Variants in CFAP61 observed in about 807,000 individuals in gnomAD.
CFAP61 encodes cilia and flagella associated protein 61.
In CFAP61, 107 loss-of-function variants were observed where a neutral mutation model predicts 135.6. That is an observed-to-expected ratio of 0.79 (90% CI 0.67 to 0.93). The LOEUF (loss-of-function observed/expected upper bound fraction) is 0.93. Among genes scored for constraint, CFAP61 ranks in the 40% least tolerant of loss-of-function variants. CFAP61 has a pLI of 0.00. For missense variants in CFAP61, 1,507 were observed against 1,556.2 expected, an observed-to-expected ratio of 0.97 and a Z score of 0.53; for synonymous variants, 575 against 578.5, an observed-to-expected ratio of 0.99 and a Z score of 0.09.
intron 20 of CFAP61, chr20:20,253,444 G>T: frequency 3.2e-6 from 1 of 307,958 alleles, no homozygotes; most frequent in South Asian, 2.8e-5. Flanking sequence ...TCACACATGG[G>T]TTAACCTGAC....
At chr20:20,320,980 A>G (rs2057483006) in intron 25 of CFAP61, among the ~76,000 whole-genome samples, 1 of 151,674 alleles carries the variant, frequency 6.6e-6, no homozygotes, top group Admixed American at 6.6e-5. Flanking sequence ...AGCTGCTGGA[A>G]CAGTTTGAAA....
At chr20:20,270,819 T>C (rs932929717) in intron 21 of CFAP61, among the ~76,000 whole-genome samples, 1 of 151,982 alleles carries the variant, frequency 6.6e-6, no homozygotes, top group Non-Finnish European at 1.5e-5. Flanking sequence ...ACAGGCATGA[T>C]CCACTATGCC....
At chr20:20,268,854 T>G (rs987268053) in intron 21 of CFAP61, among the ~76,000 whole-genome samples, 4 of 152,092 alleles carry the variant, frequency 2.6e-5, no homozygotes, top group African/African-American at 9.7e-5. Flanking sequence ...ATAAACTACC[T>G]TAATGGCTCA....
At chr20:20,091,120 C>A in intron 7 of CFAP61, 144 bp downstream of exon 7, 1 of 903,270 alleles carries the variant, frequency 1.1e-6, no homozygotes, top group Non-Finnish European at 1.7e-6. Flanking sequence ...CCAGGTGGTG[C>A]ACCAGGCCAG....
At chr20:20,280,122 G>A (rs1411725218) in intron 22 of CFAP61, among the ~76,000 whole-genome samples, 1 of 152,164 alleles carries the variant, frequency 6.6e-6, no homozygotes, top group Non-Finnish European at 1.5e-5. Context: ...ATGTAAGCAA[G>A]TAAAGAGAAA....
chr20:20,307,514 A>T (rs1247516736), intron 25 of CFAP61, among the ~76,000 whole-genome samples: 1 of 152,194 alleles, frequency 6.6e-6, no homozygotes, highest in East Asian at 1.9e-4. Context: ...CTTTATGGAG[A>T]GACAGAAACA....
At chr20:20,350,631 A>C (rs919636472) in intron 26 of CFAP61, among the ~76,000 whole-genome samples, 1 of 152,172 alleles carries the variant, frequency 6.6e-6, no homozygotes, top group Non-Finnish European at 1.5e-5. Context: ...TCCATCTCAA[A>C]AAAACAAAAC....
chr20:20,156,336 A>T (rs984821216), intron 9 of CFAP61, among the ~76,000 whole-genome samples: 1 of 152,176 alleles, frequency 6.6e-6, no homozygotes, highest in African/African-American at 2.4e-5. Context: ...TATAAAAGAC[A>T]TTTGAAAATC....
chr20:20,127,791 T>C (rs966664097), intron 8 of CFAP61, among the ~76,000 whole-genome samples: 3 of 151,488 alleles, frequency 2.0e-5, no homozygotes, highest in Non-Finnish European at 4.4e-5. Flanking sequence ...CCAGGGTGGG[T>C]AGGGAAGGAC....
intron 9 of CFAP61, among the ~76,000 whole-genome samples, chr20:20,153,262 G>A (rs531707339): frequency 1.3e-5 from 2 of 152,010 alleles, no homozygotes; most frequent in African/African-American, 4.8e-5. Context: ...TGCCTACATC[G>A]AAAAGTCTGA....
intron 26 of CFAP61, among the ~76,000 whole-genome samples, chr20:20,356,146 G>A (rs1231006500): frequency 1.6e-5 from 2 of 123,024 alleles, no homozygotes; most frequent in African/African-American, 3.1e-5. Context: ...GAGAGGAGGT[G>A]GTCACACTGA....
chr20:20,222,211 G>C (rs1475975884), intron 17 of CFAP61, among the ~76,000 whole-genome samples: 1 of 152,122 alleles, frequency 6.6e-6, no homozygotes, highest in Non-Finnish European at 1.5e-5. Flanking sequence ...ATGTCATAGG[G>C]TGGCAATAAT....
chr20:20,184,615 T>C (rs2055366121), intron 13 of CFAP61: 1 of 152,212 alleles, frequency 6.6e-6, no homozygotes, highest in Non-Finnish European at 1.5e-5. Flanking sequence ...ATAGATTTGC[T>C]GGAGGAGAAT....
chr20:20,171,750 T>C (rs1263747076), intron 13 of CFAP61: 1 of 690,422 alleles, frequency 1.4e-6, no homozygotes. Context: ...ATATAATTTA[T>C]AATCCTTTGT....
At chr20:20,090,805 A>G (rs2047138607) in intron 6 of CFAP61, 39 bp from the exon 7 acceptor site, 7 of 1,607,710 alleles carry the variant, frequency 4.4e-6, no homozygotes, top group Non-Finnish European at 6.0e-6. Context: ...GAAAAAAATG[A>G]GTGAACGAAC....
intron 18 of CFAP61, among the ~76,000 whole-genome samples, chr20:20,239,442 T>G (rs994074561): frequency 2.0e-5 from 3 of 152,196 alleles, no homozygotes; most frequent in African/African-American, 7.2e-5. Context: ...GGAAGTTTGC[T>G]TAGGCCCAGC....
intron 17 of CFAP61, among the ~76,000 whole-genome samples, chr20:20,205,738 C>T (rs1224369769): frequency 6.6e-6 from 1 of 152,216 alleles, no homozygotes; most frequent in Admixed American, 6.5e-5. Context: ...AGGTTTTGGA[C>T]ACCTGCTGAT....
At chr20:20,220,664 G>T (rs930752334) in intron 17 of CFAP61, among the ~76,000 whole-genome samples, 3 of 152,204 alleles carry the variant, frequency 2.0e-5, no homozygotes, top group Non-Finnish European at 2.9e-5. Flanking sequence ...CATCACAAGT[G>T]TTCTGAGAGA....
intron 6 of CFAP61, among the ~76,000 whole-genome samples, chr20:20,083,181 G>T (rs540187037): frequency 2.4e-4 from 37 of 152,162 alleles, no homozygotes; most frequent in African/African-American, 7.7e-4. Flanking sequence ...ACAAAATAAT[G>T]TCTTTTGTTG....
Sources: allele counts gnomAD v4.1 joint callset (sites outside exome capture counted in the v4.1 genomes callset), GRCh38; gene constraint gnomAD v4.1.1; transcripts MANE v1.5; gene names NCBI Gene and HGNC (gene_info 2026-07-23, HGNC 2026-07-21).